The following ADAMTSL3 variants were observed in gnomAD, a reference collection of about 807,000 sequenced individuals.
ADAMTSL3 encodes ADAMTS-like protein 3.
ADAMTSL3 carries 128 observed loss-of-function variants against 201.7 expected under a neutral mutation model. That is an observed-to-expected ratio of 0.63 (90% CI 0.55 to 0.73). The LOEUF is 0.73. Among genes scored for constraint, ADAMTSL3 ranks in the 30% least tolerant of loss-of-function variants. ADAMTSL3 has a pLI of 0.00. For synonymous variants in ADAMTSL3, 738 were observed against 748.4 expected (o/e 0.99, Z 0.23); for missense variants, 1,990 against 2,119.6 (o/e 0.94, Z 1.20).
chr15:84,037,766 G>A lies in ADAMTSL3; in HGVS notation c.5036G>A (p.Arg1679His), dbSNP rs11857906. 2,473 of 1,613,762 alleles carry A rather than the reference G, an allele frequency of 1.5e-3. 42 individuals carry two copies. In the African/African-American group the frequency reaches 0.029, roughly 19 times the overall value. The change falls in exon 30 of 30, where the codon CGC (arginine) becomes CAC (histidine). Residue 1679 changes from arginine to histidine, a missense_variant. By Grantham distance (29) the Arg-to-His change is conservative. Transcript: ENST00000286744. Reference protein sequence around the residue: ...VKHLNLCSLDRYKQRCCQSCQ... With the variant: ...VKHLNLCSLDHYKQRCCQSCQ... The stretch of plus-strand genomic sequence containing the variant: ...CATCTTAATTTGTGTTCTCTAGACC[G>A]CTACAAACAAAGGTGCTGCCAGTCA...
chr15:84,037,597 C>T, intron 29 of ADAMTSL3, 103 bp from the exon 30 acceptor site: 4 of 1,343,230 alleles, frequency 3.0e-6, no homozygotes, highest in Non-Finnish European at 4.0e-6. Context: ...GGTTTCTTCA[C>T]CTCACTCTGT....
chr15:83,814,601 C>G (rs970376841), intron 5 of ADAMTSL3, among the ~76,000 whole-genome samples: 4 of 152,216 alleles, frequency 2.6e-5, no homozygotes, highest in Non-Finnish European at 5.9e-5. Context: ...TTTGCCAACT[C>G]TAGCTTACAG....
chr15:83,803,828 C>T (rs1391133599), intron 4 of ADAMTSL3, among the ~76,000 whole-genome samples: 1 of 152,076 alleles, frequency 6.6e-6, no homozygotes, highest in Non-Finnish European at 1.5e-5. Flanking sequence ...TGGTAGAATC[C>T]CATTTGGTAA....
chr15:83,993,967 T>C (rs1015639155), intron 23 of ADAMTSL3, among the ~76,000 whole-genome samples: 6 of 152,248 alleles, frequency 3.9e-5, no homozygotes, highest in African/African-American at 1.4e-4. Flanking sequence ...TGTTATTCCT[T>C]AAGCTCATCA....
At chr15:83,885,715 A>G (rs1016491184) in intron 10 of ADAMTSL3, among the ~76,000 whole-genome samples, 1 of 151,206 alleles carries the variant, frequency 6.6e-6, no homozygotes, top group African/African-American at 2.4e-5. Context: ...AGCCCTGCTT[A>G]TTGTCTGCTT....
intron 4 of ADAMTSL3, among the ~76,000 whole-genome samples, chr15:83,783,449 T>A (rs965750354): frequency 1.3e-5 from 2 of 152,082 alleles, no homozygotes; most frequent in African/African-American, 2.4e-5. Context: ...TTACTTTGGT[T>A]AAAAGACAAA....
At chr15:83,966,644 A>G (rs923504442) in intron 19 of ADAMTSL3, among the ~76,000 whole-genome samples, 4 of 152,172 alleles carry the variant, frequency 2.6e-5, no homozygotes, top group Non-Finnish European at 4.4e-5. Context: ...ATTCCAAACA[A>G]TAGAAAAAGA....
intron 16 of ADAMTSL3, among the ~76,000 whole-genome samples, chr15:83,923,311 T>G (rs1198278975): frequency 2.0e-5 from 3 of 152,218 alleles, no homozygotes; most frequent in African/African-American, 7.2e-5. Context: ...CCTCACTGAT[T>G]ATTGTGAAAG....
intron 17 of ADAMTSL3, among the ~76,000 whole-genome samples, chr15:83,940,300 C>G (rs2066535392): frequency 6.6e-6 from 1 of 152,170 alleles, no homozygotes; most frequent in African/African-American, 2.4e-5. Flanking sequence ...GAATTAGTCA[C>G]CTCACACTGC....
intron 3 of ADAMTSL3, among the ~76,000 whole-genome samples, chr15:83,742,677 G>C (rs1596124055): frequency 6.6e-6 from 1 of 152,314 alleles, no homozygotes; most frequent in East Asian, 1.9e-4. Flanking sequence ...TGATTTTGTA[G>C]TTTGTAATCA....
chr15:83,958,713 A>T (rs1358436823), intron 19 of ADAMTSL3, among the ~76,000 whole-genome samples: 1 of 152,206 alleles, frequency 6.6e-6, no homozygotes, highest in Non-Finnish European at 1.5e-5. Context: ...AAAATGAGCT[A>T]AGAGAAACAA....
At chr15:84,019,035 C>T (rs771770130) in intron 25 of ADAMTSL3, among the ~76,000 whole-genome samples, 9 of 149,690 alleles carry the variant, frequency 6.0e-5, no homozygotes, top group Non-Finnish European at 8.9e-5. Context: ...ATATAAAGAA[C>T]TCCCACAAGT....
intron 6 of ADAMTSL3, among the ~76,000 whole-genome samples, chr15:83,828,312 A>G (rs1259985325): frequency 1.3e-5 from 2 of 152,116 alleles, no homozygotes; most frequent in Non-Finnish European, 2.9e-5. Context: ...TTCACTCATG[A>G]TTTGGCTCTC....
chr15:83,833,385 T>A (rs1038770720), intron 6 of ADAMTSL3, among the ~76,000 whole-genome samples: 1 of 152,092 alleles, frequency 6.6e-6, no homozygotes, highest in African/African-American at 2.4e-5. Context: ...GAGGGAGGTA[T>A]CCAGGGTATT....
intron 2 of ADAMTSL3, among the ~76,000 whole-genome samples, chr15:83,670,596 C>A (rs1359524593): frequency 6.6e-6 from 1 of 152,132 alleles, no homozygotes; most frequent in Non-Finnish European, 1.5e-5. Flanking sequence ...CATTCTATTT[C>A]ATTTCATTCT....
intron 23 of ADAMTSL3, among the ~76,000 whole-genome samples, chr15:83,992,945 C>G (rs1194349631): frequency 6.6e-6 from 1 of 152,236 alleles, no homozygotes; most frequent in Admixed American, 6.5e-5. Context: ...CACCTTTCAG[C>G]TCTTACTAGG....
chr15:83,701,515 A>G (rs558041255), intron 2 of ADAMTSL3, among the ~76,000 whole-genome samples: 15 of 152,284 alleles, frequency 9.9e-5, no homozygotes, highest in East Asian at 5.8e-4. Flanking sequence ...CTCATCTTCA[A>G]TTGTGCTCTC....
At chr15:83,765,590 G>T (rs1315814167) in intron 3 of ADAMTSL3, among the ~76,000 whole-genome samples, 1 of 152,154 alleles carries the variant, frequency 6.6e-6, no homozygotes, top group African/African-American at 2.4e-5. Flanking sequence ...TATGCCTGGG[G>T]ATCCAAGAAA....
intron 22 of ADAMTSL3, among the ~76,000 whole-genome samples, chr15:83,989,891 C>T (rs1439494630): frequency 6.6e-6 from 1 of 152,230 alleles, no homozygotes; most frequent in East Asian, 1.9e-4. Context: ...TTCTTGCAGA[C>T]AGTTCTGCTC....
Sources: gnomAD v4.1 joint callset for allele counts (sites outside exome capture counted in the v4.1 genomes callset) on GRCh38, gnomAD v4.1.1 for gene constraint, MANE v1.5 for transcripts, NCBI Gene and HGNC (gene_info 2026-07-23, HGNC 2026-07-21) for gene names.